Variants in PHF14 observed in about 807,000 individuals in gnomAD.
PHF14 encodes the protein PHD finger protein 14.
A neutral mutation model predicts 117.9 loss-of-function variants in PHF14; 55 were observed. The observed-to-expected ratio is 0.47, with a 90% CI of 0.38 to 0.58. The LOEUF (loss-of-function observed/expected upper bound fraction) is 0.58. PHF14 is among the 20% of genes least tolerant of loss of function. The pLI is 0.00. For synonymous variants in PHF14, 409 were observed against 368.6 expected (o/e 1.11, Z -1.26); for missense variants, 978 against 1,122.2 (o/e 0.87, Z 1.84).
intron 4 of PHF14, among the ~76,000 whole-genome samples, chr7:10,993,065 G>C (rs1782518157): frequency 6.6e-6 from 1 of 152,112 alleles, no homozygotes; most frequent in African/African-American, 2.4e-5. Context: ...ATATTTATTT[G>C]TGCAGTTACT....
intron 16 of PHF14, among the ~76,000 whole-genome samples, chr7:11,082,728 G>A (rs1041149052): frequency 2.0e-5 from 3 of 152,088 alleles, no homozygotes; most frequent in Non-Finnish European, 2.9e-5. Flanking sequence ...ATCACACATA[G>A]TACTTCCACT....
intron 3 of PHF14, among the ~76,000 whole-genome samples, chr7:10,989,391 T>C (rs1782363530): frequency 6.6e-6 from 1 of 152,054 alleles, no homozygotes; most frequent in Non-Finnish European, 1.5e-5. Flanking sequence ...ATATTGTGTA[T>C]TGTATGAAAC....
intron 11 of PHF14, among the ~76,000 whole-genome samples, 175 bp downstream of exon 11, chr7:11,039,030 C>T (rs1371372695): frequency 6.6e-6 from 1 of 152,134 alleles, no homozygotes; most frequent in Non-Finnish European, 1.5e-5. Flanking sequence ...TGGAAGCTGC[C>T]TACTGAGAAC....
At chr7:11,070,995 G>A (rs1387678169) in intron 16 of PHF14, among the ~76,000 whole-genome samples, 2 of 152,110 alleles carry the variant, frequency 1.3e-5, no homozygotes, top group African/African-American at 4.8e-5. Context: ...CTTAAAAATC[G>A]TGTATGCTTC....
chr7:11,050,799 A>G (rs957400713), intron 13 of PHF14, among the ~76,000 whole-genome samples: 1 of 152,170 alleles, frequency 6.6e-6, no homozygotes, highest in Non-Finnish European at 1.5e-5. Context: ...AAATAAATGT[A>G]TATTTCTTCT....
At chr7:10,986,839 A>C (rs1179032757) in intron 3 of PHF14, among the ~76,000 whole-genome samples, 1 of 152,228 alleles carries the variant, frequency 6.6e-6, no homozygotes, top group African/African-American at 2.4e-5. Context: ...CCATGACCGT[A>C]AATTATATCA....
intron 13 of PHF14, 72 bp downstream of exon 13, chr7:11,042,886 C>G (rs1784543006): frequency 7.8e-6 from 8 of 1,031,774 alleles, no homozygotes; most frequent in African/African-American, 3.3e-5. Context: ...AGATGAAATA[C>G]TATATTTGTT....
chr7:11,066,857 C>T (rs1378268296), intron 16 of PHF14, among the ~76,000 whole-genome samples: 2 of 152,112 alleles, frequency 1.3e-5, no homozygotes. Flanking sequence ...GGATCCTTTG[C>T]ATTTTCATGT....
chr7:11,039,504 T>C (rs1784434395), intron 11 of PHF14, among the ~76,000 whole-genome samples: 1 of 152,176 alleles, frequency 6.6e-6, no homozygotes, highest in African/African-American at 2.4e-5. Context: ...GTACTGTGTA[T>C]ATAATTGATA....
intron 3 of PHF14, among the ~76,000 whole-genome samples, chr7:10,985,841 T>TG (rs1222048276): frequency 6.6e-6 from 1 of 151,722 alleles, no homozygotes; most frequent in Non-Finnish European, 1.5e-5. Flanking sequence ...TTAGTAGAGG[T>TG]GGGGTTTCAC....
In PHF14 at chr7:11,155,835, A is replaced by G. The variant is rs113135296; in HGVS notation, c.2773-13581A>G. On this transcript the variant is annotated intron_variant, in intron 17 of 17. Transcript: ENST00000634607. ...GCTAGCTAGTTGATGTTCAATCAGG[A>G]AGGAATGAATAGATGGCTTATATAG... 8.8e-3 allele frequency among the ~76,000 whole-genome samples: 1,333 copies of G among 152,088 alleles called. 26 individuals are homozygous for G. The highest frequency in any genetic ancestry group is 0.031 in the African/African-American group (1,277 of 41,466).
intron 17 of PHF14, among the ~76,000 whole-genome samples, chr7:11,132,556 A>G (rs1788119396): frequency 6.6e-6 from 1 of 151,816 alleles, no homozygotes; most frequent in Admixed American, 6.6e-5. Context: ...AGTGAACATG[A>G]GAGTGCAAGT....
intron 17 of PHF14, among the ~76,000 whole-genome samples, chr7:11,157,721 T>TTAGA (rs1345130212): frequency 6.6e-6 from 1 of 152,180 alleles, no homozygotes; most frequent in Non-Finnish European, 1.5e-5. Flanking sequence ...ATTTCATGTG[T>TTAGA]TAGACATCCC....
At chr7:11,096,605 T>G (rs1032813963) in intron 16 of PHF14, among the ~76,000 whole-genome samples, 1 of 152,102 alleles carries the variant, frequency 6.6e-6, no homozygotes, top group Non-Finnish European at 1.5e-5. Context: ...TTAACACTAT[T>G]AAAAGCTCTA....
chr7:11,072,307 G>A (rs927309191), intron 16 of PHF14, among the ~76,000 whole-genome samples: 1 of 152,114 alleles, frequency 6.6e-6, no homozygotes. Context: ...CATGAGAACA[G>A]CACCAAGAGG....
intron 16 of PHF14, among the ~76,000 whole-genome samples, chr7:11,070,702 A>G (rs1453626571): frequency 5.3e-5 from 8 of 152,116 alleles, no homozygotes; most frequent in Non-Finnish European, 1.2e-4. Flanking sequence ...TTGTGTCATT[A>G]TTGTCTGTCA....
At chr7:11,163,819 A>G (rs971288125) in intron 17 of PHF14, among the ~76,000 whole-genome samples, 3 of 152,196 alleles carry the variant, frequency 2.0e-5, no homozygotes, top group Non-Finnish European at 2.9e-5. Flanking sequence ...CATATCTAGC[A>G]TATGTTTTTA....
intron 17 of PHF14, among the ~76,000 whole-genome samples, chr7:11,123,758 T>A (rs1405039736): frequency 6.6e-6 from 1 of 151,426 alleles, no homozygotes; most frequent in Non-Finnish European, 1.5e-5. Flanking sequence ...CCAGCCTGGG[T>A]GAATCGCTTG....
intron 17 of PHF14, among the ~76,000 whole-genome samples, chr7:11,122,878 C>A (rs946538732): frequency 3.3e-5 from 5 of 152,066 alleles, no homozygotes; most frequent in African/African-American, 4.8e-5. Flanking sequence ...TTTCCAAGTT[C>A]TGAAATTGCC....
Sources: allele counts gnomAD v4.1 joint callset (sites outside exome capture counted in the v4.1 genomes callset), GRCh38; gene constraint gnomAD v4.1.1; transcripts MANE v1.5; gene names NCBI Gene and HGNC (gene_info 2026-07-23, HGNC 2026-07-21).